The following THNSL1 variants were observed in gnomAD, a reference collection of about 807,000 sequenced individuals.
THNSL1 encodes the protein threonine synthase like 1, also known as threonine synthase-like 1.
A neutral mutation model predicts 50.4 loss-of-function variants in THNSL1; 48 were observed. The observed-to-expected ratio is 0.95, with a 90% confidence interval of 0.76 to 1.21. The LOEUF (loss-of-function observed/expected upper bound fraction) is 1.21, where lower values mean the gene tolerates loss of function less well. Among genes scored for constraint, THNSL1 ranks in the 50% most tolerant of loss-of-function variants. The probability of loss-of-function intolerance (pLI) is 0.00; values close to 1 mark genes in which losing one functional copy is unlikely to be tolerated. For missense variants in THNSL1, 896 were observed against 871.7 expected, an observed-to-expected ratio of 1.03 and a Z score of -0.35; for synonymous variants, 309 against 306.1, an observed-to-expected ratio of 1.01 and a Z score of -0.10.
At chr10:24,973,899 G>A in the THNSL1 span, among the ~76,000 whole-genome samples, 10 of 152,018 alleles carry the variant, frequency 6.6e-5, no homozygotes, top group Admixed American at 3.9e-4. Flanking sequence ...GATTACAGGC[G>A]TTCGCCACCA....
the THNSL1 span, chr10:24,953,463 T>G: frequency 1.3e-5 from 2 of 152,272 alleles, no homozygotes; most frequent in Admixed American, 1.3e-4. Context: ...CAGATTGTAA[T>G]TGTTCCAGGT....
At chr10:25,004,409 T>A in the THNSL1 span, among the ~76,000 whole-genome samples, 5 of 152,174 alleles carry the variant, frequency 3.3e-5, no homozygotes, top group Non-Finnish European at 7.4e-5. Context: ...GAGTAAGTGT[T>A]CCTTTTTCTC....
the THNSL1 span, among the ~76,000 whole-genome samples, chr10:24,993,614 C>T: frequency 6.6e-6 from 1 of 152,154 alleles, no homozygotes; most frequent in African/African-American, 2.4e-5. Context: ...TACTATCTCA[C>T]CTACCAATGA....
At chr10:25,006,862 C>T in the THNSL1 span, among the ~76,000 whole-genome samples, 5,589 of 152,206 alleles carry the variant, frequency 0.037, 140 homozygotes, top group Non-Finnish European at 0.058. Flanking sequence ...TTCCTCATTG[C>T]CTCAACTTCT....
the THNSL1 span, among the ~76,000 whole-genome samples, chr10:24,965,698 T>A: frequency 6.6e-6 from 1 of 152,228 alleles, no homozygotes; most frequent in African/African-American, 2.4e-5. Context: ...CAGCTCTAGT[T>A]ATTGAAAAGT....
At chr10:24,996,005 T>G in the THNSL1 span, 2 of 682,384 alleles carry the variant, frequency 2.9e-6, no homozygotes, top group African/African-American at 1.8e-5. Context: ...AAGATAGAAG[T>G]TTATGCTTAC....
chr10:24,975,381 T>C, the THNSL1 span, among the ~76,000 whole-genome samples: 27 of 152,328 alleles, frequency 1.8e-4, no homozygotes, highest in Admixed American at 1.4e-3. Flanking sequence ...TAACTTTGTC[T>C]TGATTAACTC....
At chr10:25,018,702 T>G (rs1388933175) in intron 1 of THNSL1, among the ~76,000 whole-genome samples, 1 of 150,888 alleles carries the variant, frequency 6.6e-6, no homozygotes, top group Non-Finnish European at 1.5e-5. Context: ...TTTAATCTAT[T>G]TAAATGAATA....
chr10:24,979,950 C>G, the THNSL1 span, among the ~76,000 whole-genome samples: 1 of 152,164 alleles, frequency 6.6e-6, no homozygotes, highest in Non-Finnish European at 1.5e-5. Context: ...CCCTCTTCCC[C>G]CGTTCAATCC....
the THNSL1 span, among the ~76,000 whole-genome samples, chr10:24,970,632 G>A: frequency 1.3e-5 from 2 of 152,082 alleles, no homozygotes; most frequent in Non-Finnish European, 2.9e-5. Context: ...AGGATCACTT[G>A]AGCCCAGGAG....
the THNSL1 span, among the ~76,000 whole-genome samples, chr10:24,986,320 T>C: frequency 6.6e-6 from 1 of 152,186 alleles, no homozygotes; most frequent in African/African-American, 2.4e-5. Context: ...TAGAAGAGGT[T>C]GGTTGGGGAA....
At chr10:25,010,222 C>A in the THNSL1 span, among the ~76,000 whole-genome samples, 3 of 152,122 alleles carry the variant, frequency 2.0e-5, no homozygotes, top group Admixed American at 6.6e-5. Context: ...TTGTTGAGAA[C>A]TGGAATAAAG....
chr10:24,973,770 T>C, the THNSL1 span, among the ~76,000 whole-genome samples: 3 of 152,208 alleles, frequency 2.0e-5, no homozygotes, highest in African/African-American at 7.2e-5. Context: ...TTTTTTTCTT[T>C]TGAGACAGAG....
the THNSL1 span, among the ~76,000 whole-genome samples, chr10:24,986,933 T>G: frequency 6.6e-6 from 1 of 152,188 alleles, no homozygotes; most frequent in Non-Finnish European, 1.5e-5. Context: ...ATCGTTCATT[T>G]TGGAAAAAAT....
the THNSL1 span, among the ~76,000 whole-genome samples, chr10:24,971,298 T>A: frequency 1.4e-5 from 2 of 145,850 alleles, no homozygotes; most frequent in Non-Finnish European, 3.0e-5. Context: ...AGAGACAGGT[T>A]GCCACTATGT....
At chr10:24,981,270 C>A in the THNSL1 span, among the ~76,000 whole-genome samples, 2 of 152,196 alleles carry the variant, frequency 1.3e-5, no homozygotes, top group Non-Finnish European at 2.9e-5. Flanking sequence ...ACCCATGAGG[C>A]TTTGTTGGAC....
chr10:24,953,665 C>T, the THNSL1 span, among the ~76,000 whole-genome samples: 6 of 152,200 alleles, frequency 3.9e-5, no homozygotes, highest in Admixed American at 6.5e-5. Flanking sequence ...TCACTCAGCC[C>T]AATTCGGGTC....
At position 25,024,284 on chromosome 10, in the gene THNSL1, C is replaced by G; in HGVS notation, c.1061C>G (p.Ser354Cys). The G allele has an allele frequency of 6.2e-7, 1 of 1,614,190 alleles. No individual in the cohort carries two copies. Among genetic ancestry groups the G allele is most frequent in the Non-Finnish European group, 8.5e-7 (1 of 1,180,018 alleles). Reference sequence around the variant, plus strand: ...CCAACAGGATCATTTAAAGATTTGTCTTTACAGCTTATGCCTCATATTTTT... The same window carrying G: ...CCAACAGGATCATTTAAAGATTTGTGTTTACAGCTTATGCCTCATATTTTT... ...HGPTGSFKDL[S>C]LQLMPHIFAH... Residue 354 changes from serine (S) to cysteine (C), a missense_variant, in exon 3 of 3, where the codon TCT becomes TGT. Physicochemically the swap from Ser to Cys is moderately radical, Grantham distance 112 (BLOSUM62 -1). Transcript: ENST00000376356.
the THNSL1 span, among the ~76,000 whole-genome samples, chr10:25,002,893 C>G: frequency 6.6e-6 from 1 of 151,402 alleles, no homozygotes; most frequent in South Asian, 2.1e-4. Flanking sequence ...GATATGGTCT[C>G]GTGATTAATA....
Sources: allele counts gnomAD v4.1 joint callset (sites outside exome capture counted in the v4.1 genomes callset), GRCh38; gene constraint gnomAD v4.1.1; transcripts MANE v1.5; gene names NCBI Gene and HGNC (gene_info 2026-07-23, HGNC 2026-07-21).